The following ACBD3 variants were observed in gnomAD, a reference collection of about 807,000 sequenced individuals.
The protein encoded by ACBD3 is Golgi resident protein GCP60.
A neutral mutation model predicts 66.9 loss-of-function variants in ACBD3; 30 were observed. That is an observed-to-expected ratio of 0.45 (90% CI 0.34 to 0.61). The LOEUF is 0.61. Ranked by LOEUF, ACBD3 falls within the 20% of genes least tolerant of loss-of-function variation. The pLI is 0.02. For missense variants in ACBD3, 544 were observed against 664.5 expected, an observed-to-expected ratio of 0.82 and a Z score of 1.99; for synonymous variants, 278 against 259.8, an observed-to-expected ratio of 1.07 and a Z score of -0.68.
At chr1:226,161,907 A>G (rs963439310) in intron 3 of ACBD3, among the ~76,000 whole-genome samples, 1 of 152,254 alleles carries the variant, frequency 6.6e-6, no homozygotes. Context: ...ACAGCAACAG[A>G]AATGTGTCCA....
In ACBD3 at chr1:226,164,832, C is replaced by T. The variant is rs1216715098; in HGVS notation, c.526G>A (p.Val176Ile). ...NRCCHLFSTY[V>I]ASHKIEKEEQ... ...TCCTTCTCTATTTTGTGGGACGCAA[C>T]ATATGTTGAAAAGAGATGGCAACAC... Residue 176 changes from valine to isoleucine, a missense_variant, in exon 3 of 8, where the codon GTT becomes ATT. Transcript: ENST00000366812. The T allele has an allele frequency of 9.3e-6, 15 of 1,611,172 alleles. No homozygotes were observed. The highest frequency in any genetic ancestry group is 1.3e-5 in the African/African-American group (1 of 74,978).
At chr1:226,162,462 A>T (rs1659790014) in intron 3 of ACBD3, among the ~76,000 whole-genome samples, 1 of 152,170 alleles carries the variant, frequency 6.6e-6, no homozygotes, top group Non-Finnish European at 1.5e-5. Context: ...TGAAATTAAA[A>T]TTTTTTGTAA....
chr1:226,161,147 T>A (rs74413480), intron 4 of ACBD3, among the ~76,000 whole-genome samples: 1 of 23,438 alleles, frequency 4.3e-5, no homozygotes, highest in East Asian at 1.2e-3. Flanking sequence ...AATACATTCC[T>A]TTTTTTTTTT....
At chr1:226,172,139 G>A (rs1406094633) in intron 1 of ACBD3, among the ~76,000 whole-genome samples, 1 of 55,014 alleles carries the variant, frequency 1.8e-5, no homozygotes, top group Non-Finnish European at 3.3e-5. Flanking sequence ...TGGGAAACAA[G>A]AGCAAAACTC....
At chr1:226,155,387 A>G (rs1043493886) in intron 5 of ACBD3, among the ~76,000 whole-genome samples, 2 of 150,828 alleles carry the variant, frequency 1.3e-5, no homozygotes, top group African/African-American at 4.9e-5. Flanking sequence ...ATTGCATTCC[A>G]GCCTGAGCAA....
chr1:226,166,194 T>C (rs965882568), intron 1 of ACBD3, among the ~76,000 whole-genome samples, 194 bp from the exon 2 acceptor site: 2 of 152,168 alleles, frequency 1.3e-5, no homozygotes, highest in African/African-American at 4.8e-5. Context: ...CTCACTCTGT[T>C]GCCCAGGCTG....
intron 5 of ACBD3, among the ~76,000 whole-genome samples, chr1:226,158,558 T>C (rs1659717268): frequency 6.6e-6 from 1 of 152,312 alleles, no homozygotes; most frequent in East Asian, 1.9e-4. Flanking sequence ...CAGTAATAAC[T>C]TGTCTGAGAT....
At chr1:226,185,575 C>T (rs946256972) in intron 1 of ACBD3, among the ~76,000 whole-genome samples, 1 of 151,148 alleles carries the variant, frequency 6.6e-6, no homozygotes, top group African/African-American at 2.4e-5. Flanking sequence ...TGACAAAAAT[C>T]ATGTGATTGG....
intron 1 of ACBD3, among the ~76,000 whole-genome samples, chr1:226,176,607 T>G (rs1656039625): frequency 6.6e-6 from 1 of 152,144 alleles, no homozygotes. Flanking sequence ...TTACACCTTC[T>G]TTAACAATAG....
intron 4 of ACBD3, among the ~76,000 whole-genome samples, chr1:226,160,074 T>C (rs909700776): frequency 7.9e-5 from 12 of 151,892 alleles, no homozygotes; most frequent in Admixed American, 3.3e-4. Flanking sequence ...TATTCTTTTA[T>C]AGATAAACCA....
Position 226,154,714 on chromosome 1 carries a change from G to T in ACBD3, c.1023C>A (p.His341Gln), listed in dbSNP as rs757995283. The change falls in exon 6 of 8, where the codon CAC becomes CAA. Residue 341 changes from histidine to glutamine, a missense_variant. Coordinates refer to ENST00000366812, the MANE Select transcript of ACBD3 (RefSeq NM_022735.4). ...MMSVNGQAKTHTDSSEKELEP... is the reference protein window; with the variant it reads ...MMSVNGQAKTQTDSSEKELEP... ...CCAGTTCTTTTTCGGAGCTGTCAGT[G>T]TGTGTTTTGGCCTGTCCATTAACTG... is the stretch of plus-strand genomic sequence containing the variant. 6.8e-6 allele frequency: 11 copies of T among 1,613,764 alleles called. No homozygotes were observed. The South Asian group carries it at 1.2e-4, about 18-fold the overall frequency.
chr1:226,181,937 C>T (rs918605521), intron 1 of ACBD3, among the ~76,000 whole-genome samples: 1 of 152,136 alleles, frequency 6.6e-6, no homozygotes, highest in Non-Finnish European at 1.5e-5. Flanking sequence ...TAAAATAGAA[C>T]TGGGCAACTC....
At chr1:226,169,155 G>A (rs1325292523) in intron 1 of ACBD3, among the ~76,000 whole-genome samples, 1 of 151,992 alleles carries the variant, frequency 6.6e-6, no homozygotes, top group African/African-American at 2.4e-5. Context: ...GAGCCACTGT[G>A]CCCACCCCCT....
chr1:226,152,564 G>A lies in ACBD3; in HGVS notation c.1146C>T (p.Asp382=). Residue 382 remains aspartate, a synonymous_variant, in exon 7 of 8, where the codon GAC becomes GAT. Transcript: ENST00000366812. The part of the protein sequence containing the change: ...PSMWTRPQIK[D]FKEKIQQDAD... ...CATCCTGCTGAATCTTCTCTTTGAAGTCTTTGATCTGAGGTCGTGTCCACA... is the reference window on the plus strand; with the variant it reads ...CATCCTGCTGAATCTTCTCTTTGAAATCTTTGATCTGAGGTCGTGTCCACA... 15 of 1,614,200 alleles carry A rather than the reference G, an allele frequency of 9.3e-6. No homozygotes were observed. The highest frequency in any genetic ancestry group is 2.2e-5 in the East Asian group (1 of 44,894).
At position 226,169,408 on chromosome 1, in the gene ACBD3, C is replaced by T. The variant is rs528384134; in HGVS notation, c.287-3408G>A. ...GACTACAAGCGCCCGCCACCATGCT[C>T]GGCTAATTTTTTTTGTATTTTTAGT... On this transcript the variant is annotated intron_variant, in intron 1 of 7. Coordinates refer to ENST00000366812, the MANE Select transcript of ACBD3 (RefSeq NM_022735.4). Among the ~76,000 whole-genome samples, 6 of 151,976 alleles carry T rather than the reference C, an allele frequency of 3.9e-5. No homozygotes were observed. The East Asian group carries it at 7.8e-4, about 20-fold the overall frequency.
Position 226,161,551 on chromosome 1 carries a change from CCTTTCTTCTTCT to C in ACBD3, c.696_707del (p.Ile232_Arg236delinsMet). 6.2e-7 allele frequency: 1 copy of C among 1,613,774 alleles called. No individual in the cohort carries two copies. The stretch of plus-strand genomic sequence containing the variant: ...CTTACTTTTGCTGCTCCAACCGAAG[CCTTTCTTCTTCT>C]ATCCGTCTCCTTTCCTCTTCCTCCC... On this transcript the variant is annotated inframe_deletion, in exon 4 of 8. Coordinates refer to ENST00000366812, the MANE Select transcript of ACBD3 (RefSeq NM_022735.4).
At chr1:226,181,272 G>C (rs1656165077) in intron 1 of ACBD3, among the ~76,000 whole-genome samples, 1 of 152,126 alleles carries the variant, frequency 6.6e-6, no homozygotes, top group Non-Finnish European at 1.5e-5. Context: ...AAGTCCAGGA[G>C]GCACACTAAT....
At chr1:226,169,652 G>C (rs1172707196) in intron 1 of ACBD3, among the ~76,000 whole-genome samples, 18 of 143,194 alleles carry the variant, frequency 1.3e-4, no homozygotes, top group African/African-American at 4.4e-4. Context: ...CCTCGTGATC[G>C]GCCTGCCTCG....
At chr1:226,177,166 T>G (rs1202653929) in intron 1 of ACBD3, among the ~76,000 whole-genome samples, 1 of 18,956 alleles carries the variant, frequency 5.3e-5, no homozygotes, top group African/African-American at 2.4e-4. Flanking sequence ...ATGTAGCTGT[T>G]TTTTTTTTTT....
Sources: allele counts gnomAD v4.1 joint callset (sites outside exome capture counted in the v4.1 genomes callset), GRCh38; gene constraint gnomAD v4.1.1; transcripts MANE v1.5; gene names NCBI Gene and HGNC (gene_info 2026-07-23, HGNC 2026-07-21).